Variants in CFAP299 observed in about 807,000 individuals in gnomAD.
CFAP299 encodes the protein cilia and flagella associated protein 299, also known as cilia- and flagella-associated protein 299.
In CFAP299, 21 loss-of-function variants were observed where a neutral mutation model predicts 27.0. The ratio of observed to expected loss-of-function variants is 0.78; its 90% CI spans 0.55 to 1.12. The LOEUF is 1.12. CFAP299 is among the 50% of genes most tolerant of loss of function. The probability of loss-of-function intolerance (pLI) is 0.00; values close to 1 mark genes in which losing one functional copy is unlikely to be tolerated. For missense variants in CFAP299, 310 were observed against 276.6 expected (o/e 1.12, Z -0.86); for synonymous variants, 104 against 98.1 (o/e 1.06, Z -0.36).
intron 2 of CFAP299, among the ~76,000 whole-genome samples, chr4:80,582,589 ATTCTTGATGCT>A (rs1560637115): frequency 6.6e-6 from 1 of 151,768 alleles, no homozygotes; most frequent in Non-Finnish European, 1.5e-5. Context: ...TATTTTTTGA[ATTCTTGATGCT>A]TCCTTTCATC....
chr4:80,400,163 A>G (rs935697972), intron 2 of CFAP299, among the ~76,000 whole-genome samples: 8 of 152,196 alleles, frequency 5.3e-5, no homozygotes, highest in African/African-American at 1.9e-4. Flanking sequence ...ATTGAAGTGA[A>G]TAATTTGACA....
chr4:80,773,640 A>G (rs891536138), intron 3 of CFAP299, among the ~76,000 whole-genome samples: 34 of 152,114 alleles, frequency 2.2e-4, no homozygotes, highest in African/African-American at 8.2e-4. Flanking sequence ...AGAGTATCAT[A>G]TATTATCAGA....
intron 2 of CFAP299, among the ~76,000 whole-genome samples, chr4:80,458,364 C>G (rs988187821): frequency 2.0e-5 from 3 of 152,178 alleles, no homozygotes; most frequent in Non-Finnish European, 4.4e-5. Context: ...TACTGGACTA[C>G]AGGCTGGAGT....
intron 3 of CFAP299, among the ~76,000 whole-genome samples, chr4:80,734,797 G>T (rs776855154): frequency 1.8e-4 from 27 of 152,030 alleles, no homozygotes; most frequent in Non-Finnish European, 3.1e-4. Flanking sequence ...TCCTTTCTGG[G>T]TTCTCTATTC....
chr4:80,633,396 C>A (rs1486028), intron 3 of CFAP299, among the ~76,000 whole-genome samples: 18 of 151,880 alleles, frequency 1.2e-4, no homozygotes, highest in African/African-American at 4.4e-4. Flanking sequence ...CCGAGTGTCA[C>A]GAGTGGAGTG....
chr4:80,868,308 A>C (rs781524319), intron 3 of CFAP299, among the ~76,000 whole-genome samples: 5 of 152,074 alleles, frequency 3.3e-5, no homozygotes, highest in Non-Finnish European at 5.9e-5. Flanking sequence ...TATCCTGCAG[A>C]ATTTCTTTGA....
At chr4:80,927,425 T>C (rs546932939) in intron 4 of CFAP299, among the ~76,000 whole-genome samples, 1 of 152,198 alleles carries the variant, frequency 6.6e-6, no homozygotes, top group Admixed American at 6.6e-5. Flanking sequence ...CAAGGTCTAA[T>C]ATATTGGTTT....
Position 80,404,003 on chromosome 4 carries a change from C to T in CFAP299, c.242+41119C>T, listed in dbSNP as rs574771130. On this transcript the variant is annotated intron_variant, in intron 2 of 5. Transcript: ENST00000358105. ...AGTCAGAATTGACAATGGGGTCCTA[C>T]GTATGATACCCGTGGCCTAGCCTAA... 1.8e-4 allele frequency among the ~76,000 whole-genome samples: 27 copies of T among 152,222 alleles called. No homozygotes were observed. In the East Asian group the frequency reaches 1.9e-3, roughly 11 times the overall value.
intron 2 of CFAP299, among the ~76,000 whole-genome samples, chr4:80,478,443 A>C (rs1282484131): frequency 6.6e-6 from 1 of 152,130 alleles, no homozygotes; most frequent in Non-Finnish European, 1.5e-5. Flanking sequence ...TTGTGAGCAC[A>C]GGCCTCTAGC....
At chr4:80,608,356 T>G in intron 3 of CFAP299, 1 of 1,532,044 alleles carries the variant, frequency 6.5e-7, no homozygotes, top group Non-Finnish European at 8.7e-7. Context: ...AGACTGATGC[T>G]GCTCATATCT....
chr4:80,386,643 C>T, intron 2 of CFAP299: 4 of 1,595,394 alleles, frequency 2.5e-6, no homozygotes, highest in Non-Finnish European at 3.4e-6. Flanking sequence ...TTGTAGTAGC[C>T]CGTGTGGGCG....
At chr4:80,726,056 A>G (rs1399087023) in intron 3 of CFAP299, among the ~76,000 whole-genome samples, 1 of 152,202 alleles carries the variant, frequency 6.6e-6, no homozygotes, top group African/African-American at 2.4e-5. Flanking sequence ...ATTAGTGGTC[A>G]TGGTCAACAA....
intron 4 of CFAP299, among the ~76,000 whole-genome samples, chr4:80,940,726 C>T (rs1012402365): frequency 3.3e-5 from 5 of 152,126 alleles, no homozygotes; most frequent in Middle Eastern, 6.8e-3. Flanking sequence ...AGTTTATTTT[C>T]GTTTGTACAA....
intron 3 of CFAP299, among the ~76,000 whole-genome samples, chr4:80,844,404 C>G (rs569935887): frequency 6.6e-6 from 1 of 152,210 alleles, no homozygotes; most frequent in Non-Finnish European, 1.5e-5. Context: ...TCCACATCCT[C>G]TCCAGCACCT....
intron 3 of CFAP299, among the ~76,000 whole-genome samples, chr4:80,697,774 T>C (rs374699027): frequency 2.0e-5 from 3 of 152,282 alleles, no homozygotes; most frequent in African/African-American, 7.2e-5. Context: ...TTCAATGTGG[T>C]CCTCTAATTT....
rs568379208 is a variant in CFAP299, at chr4:80,946,020, T to G, written c.606+1081T>G. Among the ~76,000 whole-genome samples the G allele has an allele frequency of 4.1e-3, 616 of 150,624 alleles. 1 individual carries two copies. Among genetic ancestry groups the G allele is most frequent in the Middle Eastern group, 0.014 (4 of 292 alleles). ...AATACAAAATTATCCAGGCATGGTGTCGCATGCCTGTAATCCCAGCTATTC... is the reference window on the plus strand; with the variant it reads ...AATACAAAATTATCCAGGCATGGTGGCGCATGCCTGTAATCCCAGCTATTC... On this transcript the variant is annotated intron_variant, in intron 5 of 5. Transcript: ENST00000358105.
chr4:80,653,420 A>G (rs1189899095), intron 3 of CFAP299, among the ~76,000 whole-genome samples: 1 of 19,334 alleles, frequency 5.2e-5, no homozygotes. Flanking sequence ...AAAAATTACA[A>G]ATGGCCTCCT....
At chr4:80,921,245 C>G (rs553745788) in intron 4 of CFAP299, among the ~76,000 whole-genome samples, 9 of 152,174 alleles carry the variant, frequency 5.9e-5, no homozygotes, top group Admixed American at 5.2e-4. Context: ...AATTCCTTCC[C>G]TCAAGGAACT....
intron 2 of CFAP299, among the ~76,000 whole-genome samples, chr4:80,371,157 C>A (rs1199750258): frequency 6.6e-6 from 1 of 152,190 alleles, no homozygotes. Context: ...TGAGTTATAC[C>A]TGAGCCCCTT....
Sources: allele counts gnomAD v4.1 joint callset (sites outside exome capture counted in the v4.1 genomes callset), GRCh38; gene constraint gnomAD v4.1.1; transcripts MANE v1.5; gene names NCBI Gene and HGNC (gene_info 2026-07-23, HGNC 2026-07-21).